Variants in AQP8 observed in about 807,000 individuals in gnomAD.
AQP8 encodes aquaporin 8, also known as aquaporin-8.
A neutral mutation model predicts 26.1 loss-of-function variants in AQP8; 14 were observed. That is an observed-to-expected ratio of 0.54 (90% CI 0.35 to 0.84). The LOEUF (loss-of-function observed/expected upper bound fraction) is 0.84, where lower values mean the gene tolerates loss of function less well. AQP8 is among the 40% of genes least tolerant of loss of function. The probability of loss-of-function intolerance (pLI) is 0.01; values close to 1 mark genes in which losing one functional copy is unlikely to be tolerated. For missense variants in AQP8, 301 were observed against 340.5 expected (o/e 0.88, Z 0.91); for synonymous variants, 131 against 150.7 (o/e 0.87, Z 0.96).
At chr16:25,223,089 C>T (rs922119052) in intron 3 of AQP8, among the ~76,000 whole-genome samples, 1 of 152,272 alleles carries the variant, frequency 6.6e-6, no homozygotes, top group Non-Finnish European at 1.5e-5. Context: ...GGCACACCAA[C>T]GGCCTTGTCT....
intron 3 of AQP8, among the ~76,000 whole-genome samples, chr16:25,222,456 C>T (rs1962575952): frequency 1.3e-5 from 2 of 152,174 alleles, no homozygotes; most frequent in Admixed American, 1.3e-4. Flanking sequence ...ATCTTCCTGC[C>T]TTGGCCTCCC....
intron 3 of AQP8, among the ~76,000 whole-genome samples, chr16:25,223,225 C>G (rs535980494): frequency 6.6e-6 from 1 of 152,354 alleles, no homozygotes; most frequent in South Asian, 2.1e-4. Context: ...GATCCAGAGT[C>G]CAGAAGCTTG....
intron 4 of AQP8, among the ~76,000 whole-genome samples, chr16:25,226,318 C>CT (rs144991827): frequency 0.024 from 3,713 of 152,240 alleles, 150 homozygotes; most frequent in African/African-American, 0.083. Flanking sequence ...AGTGCAGTGG[C>CT]ATGATCATGG....
intron 2 of AQP8, among the ~76,000 whole-genome samples, chr16:25,220,121 C>T (rs758428548): frequency 6.6e-6 from 1 of 151,896 alleles, no homozygotes; most frequent in Non-Finnish European, 1.5e-5. Context: ...CTGAGCCAGA[C>T]AAGTTGGGGT....
rs1035399750 is a variant in AQP8, at chr16:25,228,735, A to T, written c.*243A>T. ...AACACGCTGCCCGCACTGCCCAGAG[A>T]GCAGTGCAAACACCACAACACGAGC... On this transcript the variant is annotated 3_prime_UTR_variant, in exon 6 of 6. Transcript: ENST00000219660. The T allele has an allele frequency of 2.0e-6, 1 of 491,088 alleles. No individual in the cohort carries two copies. The highest frequency in any genetic ancestry group is 1.9e-5 in the African/African-American group (1 of 51,632). 30.4% of individuals were successfully genotyped at this position (491,088 alleles called of 1,614,324 possible).
At chr16:25,221,316 C>T in intron 2 of AQP8, 141 bp from the exon 3 acceptor site, 1 of 994,082 alleles carries the variant, frequency 1.0e-6, no homozygotes, top group African/African-American at 1.6e-5. Context: ...AATTTGGTGC[C>T]TCTTTGTATT....
chr16:25,224,682 G>C (rs1962608962), intron 4 of AQP8, 106 bp downstream of exon 4: 1 of 1,203,974 alleles, frequency 8.3e-7, no homozygotes. Flanking sequence ...TAGGGGCCAG[G>C]AAGGTGCTGC....
At chr16:25,220,787 G>A (rs113594625) in intron 2 of AQP8, among the ~76,000 whole-genome samples, 5,295 of 152,220 alleles carry the variant, frequency 0.035, 115 homozygotes, top group African/African-American at 0.05. Context: ...ACGGTAGCTC[G>A]TGCCTGTAAC....
intron 3 of AQP8, among the ~76,000 whole-genome samples, chr16:25,221,894 A>G (rs1962567569): frequency 6.6e-6 from 1 of 151,874 alleles, no homozygotes; most frequent in Non-Finnish European, 1.5e-5. Context: ...CAGCCTCCTG[A>G]GTAACTGGGA....
At chr16:25,217,162 C>T (rs202223398) in intron 1 of AQP8, 36 bp from the exon 2 acceptor site, 60 of 1,613,310 alleles carry the variant, frequency 3.7e-5, no homozygotes, top group Non-Finnish European at 4.7e-5. Context: ...GACTTGCCTC[C>T]CACCCGTGTC....
intron 4 of AQP8, among the ~76,000 whole-genome samples, chr16:25,224,781 C>T (rs1962610234): frequency 6.6e-6 from 1 of 152,184 alleles, no homozygotes; most frequent in African/African-American, 2.4e-5. Flanking sequence ...CAGCTCTTGT[C>T]AATTATTGCT....
intron 2 of AQP8, among the ~76,000 whole-genome samples, chr16:25,220,820 G>A (rs1211756000): frequency 2.0e-5 from 3 of 152,198 alleles, no homozygotes; most frequent in Admixed American, 6.5e-5. Context: ...GGAGGCCGAC[G>A]TGGGTGGATC....
chr16:25,221,891 C>T (rs538758799), intron 3 of AQP8, among the ~76,000 whole-genome samples: 77 of 150,896 alleles, frequency 5.1e-4, no homozygotes, highest in Non-Finnish European at 9.0e-4. Flanking sequence ...CCTCAGCCTC[C>T]TGAGTAACTG....
At chr16:25,224,288 T>C in intron 3 of AQP8, 74 bp from the exon 4 acceptor site, 1 of 1,446,974 alleles carries the variant, frequency 6.9e-7, no homozygotes, top group Non-Finnish European at 9.3e-7. Flanking sequence ...TAGCATGCGT[T>C]TTTTAGGCCC....
intron 4 of AQP8, 64 bp from the exon 5 acceptor site, chr16:25,227,004 T>G: frequency 6.2e-7 from 1 of 1,609,598 alleles, no homozygotes; most frequent in South Asian, 1.1e-5. Flanking sequence ...GTTGGGGACA[T>G]GAGTGTGAGG....
At chr16:25,223,019 T>C (rs1159483618) in intron 3 of AQP8, among the ~76,000 whole-genome samples, 1 of 152,218 alleles carries the variant, frequency 6.6e-6, no homozygotes, top group African/African-American at 2.4e-5. Flanking sequence ...TCTTATTTCA[T>C]CTCCCAGCAA....
At chr16:25,226,448 GGTTTCACCAT>G (rs1273741393) in intron 4 of AQP8, among the ~76,000 whole-genome samples, 1 of 152,068 alleles carries the variant, frequency 6.6e-6, no homozygotes, top group Non-Finnish European at 1.5e-5. Flanking sequence ...ATACAGACAG[GGTTTCACCAT>G]GTTGGCCAGG....
intron 2 of AQP8, among the ~76,000 whole-genome samples, chr16:25,220,822 G>C (rs1030671932): frequency 3.3e-5 from 5 of 152,156 alleles, no homozygotes; most frequent in African/African-American, 1.2e-4. Context: ...AGGCCGACGT[G>C]GGTGGATCGC....
rs184645100 is a variant in AQP8 at position 25,222,694 on chromosome 16, G to T, written c.387+1111G>T. On this transcript the variant is annotated intron_variant, in intron 3 of 5. Coordinates refer to ENST00000219660, the MANE Select transcript of AQP8 (RefSeq NM_001169.3). Reference sequence around the variant, plus strand: ...GTGTGTGTGTGGGGGGTGGTGGATGGGGGAGCTCTGTCAGCTTGGCTGTGA... The same window carrying T: ...GTGTGTGTGTGGGGGGTGGTGGATGTGGGAGCTCTGTCAGCTTGGCTGTGA... Among the ~76,000 whole-genome samples the T allele has an allele frequency of 1.6e-3, 240 of 151,906 alleles. 1 individual carries two copies. Among genetic ancestry groups the T allele is most frequent in the African/African-American group, 5.2e-3 (214 of 41,424 alleles).
Sources: gnomAD v4.1 joint callset for allele counts (sites outside exome capture counted in the v4.1 genomes callset) on GRCh38, gnomAD v4.1.1 for gene constraint, MANE v1.5 for transcripts, NCBI Gene and HGNC (gene_info 2026-07-23, HGNC 2026-07-21) for gene names.